PPP1R9A: variants seen among roughly 807,000 people sequenced by gnomAD.
PPP1R9A encodes protein phosphatase 1 regulatory subunit 9A, also known as neurabin-1.
A neutral mutation model predicts 141.9 loss-of-function variants in PPP1R9A; 59 were observed. That is an observed-to-expected ratio of 0.42 (90% CI 0.34 to 0.52). PPP1R9A has a LOEUF of 0.52. PPP1R9A is among the 20% of genes least tolerant of loss of function. The pLI is 0.10. For missense variants in PPP1R9A, 1,444 were observed against 1,611.9 expected (o/e 0.90, Z 1.78); for synonymous variants, 500 against 569.7 (o/e 0.88, Z 1.74).
At chr7:95,269,114 C>T in intron 13 of PPP1R9A, 93 bp from the exon 14 acceptor site, 1 of 1,230,524 alleles carries the variant, frequency 8.1e-7, no homozygotes, top group Non-Finnish European at 1.1e-6. Context: ...CATGGGGATT[C>T]ACTAATAAAA....
chr7:95,219,215 C>T (rs1305855482), intron 7 of PPP1R9A, among the ~76,000 whole-genome samples: 1 of 152,086 alleles, frequency 6.6e-6, no homozygotes, highest in Non-Finnish European at 1.5e-5. Context: ...TTTTATTTCT[C>T]CTTCACTTAT....
At chr7:94,946,486 T>G (rs907880934) in intron 2 of PPP1R9A, among the ~76,000 whole-genome samples, 1 of 152,088 alleles carries the variant, frequency 6.6e-6, no homozygotes, top group Non-Finnish European at 1.5e-5. Context: ...GTGGCCAATT[T>G]TACCTTACTT....
At chr7:94,952,197 T>C (rs896206217) in intron 2 of PPP1R9A, among the ~76,000 whole-genome samples, 81 of 152,210 alleles carry the variant, frequency 5.3e-4, no homozygotes, top group African/African-American at 1.9e-3. Context: ...AGTGAGAACA[T>C]GCGGTATTTG....
intron 2 of PPP1R9A, among the ~76,000 whole-genome samples, chr7:95,033,048 G>A (rs1334024046): frequency 1.3e-5 from 2 of 151,596 alleles, no homozygotes; most frequent in Non-Finnish European, 2.9e-5. Context: ...TCTGTCGCCT[G>A]GGCTGGAGTG....
chr7:95,034,567 G>T (rs926672654), intron 2 of PPP1R9A, among the ~76,000 whole-genome samples: 22 of 152,004 alleles, frequency 1.4e-4, no homozygotes, highest in African/African-American at 4.8e-4. Flanking sequence ...TGGTCCAGCT[G>T]GTCTCGAACT....
At chr7:95,015,615 T>C (rs1028584691) in intron 2 of PPP1R9A, among the ~76,000 whole-genome samples, 4 of 152,146 alleles carry the variant, frequency 2.6e-5, no homozygotes, top group Admixed American at 6.6e-5. Context: ...TTTATGATGT[T>C]AATATAATTA....
intron 2 of PPP1R9A, among the ~76,000 whole-genome samples, chr7:95,093,586 C>A (rs1022893863): frequency 6.6e-6 from 1 of 151,948 alleles, no homozygotes; most frequent in African/African-American, 2.4e-5. Context: ...TTAAAATGAT[C>A]AAAAAATGGA....
chr7:95,008,986 T>G (rs1034506324), intron 2 of PPP1R9A, among the ~76,000 whole-genome samples: 4 of 152,110 alleles, frequency 2.6e-5, no homozygotes, highest in Non-Finnish European at 5.9e-5. Flanking sequence ...AAAGGTTGAG[T>G]TCATGTCCTT....
intron 4 of PPP1R9A, among the ~76,000 whole-genome samples, chr7:95,140,138 C>T (rs1826382539): frequency 6.6e-6 from 1 of 152,162 alleles, no homozygotes; most frequent in Non-Finnish European, 1.5e-5. Flanking sequence ...GTTGTAGCTC[C>T]ATTCATTTTT....
intron 16 of PPP1R9A, among the ~76,000 whole-genome samples, chr7:95,277,188 G>T (rs1452802939): frequency 6.6e-6 from 1 of 152,102 alleles, no homozygotes; most frequent in Non-Finnish European, 1.5e-5. Context: ...ATAACCTATG[G>T]CTGTTAGATT....
chr7:95,101,020 T>C lies in PPP1R9A; in HGVS notation c.1396-10239T>C, dbSNP rs866297798. ...GGCGCCCGCTACCACGCCCGGCTAA[T>C]TTTTTGTATTTTTAGTAGAGACGGG... On this transcript the variant is annotated intron_variant, in intron 2 of 19. Coordinates refer to ENST00000433360, the MANE Select transcript of PPP1R9A (RefSeq NM_001166160.2). 2.3e-4 allele frequency among the ~76,000 whole-genome samples: 35 copies of C among 151,104 alleles called. 2 individuals carry two copies. The highest frequency in any genetic ancestry group is 6.6e-4 in the Admixed American group (10 of 15,174).
chr7:95,147,581 A>G (rs1042660001), intron 4 of PPP1R9A, among the ~76,000 whole-genome samples: 2 of 152,160 alleles, frequency 1.3e-5, no homozygotes, highest in African/African-American at 4.8e-5. Context: ...GTCGGTTTTT[A>G]AAGGGAATGC....
chr7:95,234,858 A>G (rs563020676), intron 8 of PPP1R9A, among the ~76,000 whole-genome samples: 1 of 152,118 alleles, frequency 6.6e-6, no homozygotes, highest in African/African-American at 2.4e-5. Context: ...CCAGAAATAA[A>G]CCCAAATATT....
intron 4 of PPP1R9A, among the ~76,000 whole-genome samples, chr7:95,138,428 A>G (rs1826068557): frequency 6.6e-6 from 1 of 152,222 alleles, no homozygotes; most frequent in African/African-American, 2.4e-5. Context: ...AAGCTCTAAA[A>G]GAATACAGAG....
At chr7:95,047,228 A>G (rs1351268550) in intron 2 of PPP1R9A, among the ~76,000 whole-genome samples, 2 of 152,192 alleles carry the variant, frequency 1.3e-5, no homozygotes, top group Non-Finnish European at 2.9e-5. Context: ...TTTTACTTTT[A>G]TAGTATACAT....
intron 2 of PPP1R9A, among the ~76,000 whole-genome samples, chr7:95,099,116 T>A (rs1818422311): frequency 6.6e-6 from 1 of 152,202 alleles, no homozygotes; most frequent in Non-Finnish European, 1.5e-5. Flanking sequence ...TGCTGGCAGT[T>A]GTAGTAAAAG....
At chr7:95,074,519 G>C (rs1814539640) in intron 2 of PPP1R9A, among the ~76,000 whole-genome samples, 1 of 146,540 alleles carries the variant, frequency 6.8e-6, no homozygotes, top group African/African-American at 2.6e-5. Flanking sequence ...TTGTTGCCCA[G>C]GCTGGAGTGC....
At chr7:94,941,754 A>T (rs1795353862) in intron 2 of PPP1R9A, among the ~76,000 whole-genome samples, 1 of 152,116 alleles carries the variant, frequency 6.6e-6, no homozygotes, top group Non-Finnish European at 1.5e-5. Context: ...ATTAAGTTGT[A>T]AATTATATAT....
chr7:95,273,889 T>C lies in PPP1R9A; in HGVS notation c.3125-10T>C, dbSNP rs374667055. ...ATAATTGATCTTTTTCACAAATGTG[T>C]ATATCCTAGATGATGCCAAAGATCC... On this transcript the variant is annotated splice_polypyrimidine_tract_variant and intron_variant, in intron 14 of 19. Coordinates refer to ENST00000433360, the MANE Select transcript of PPP1R9A (RefSeq NM_001166160.2). The C allele has an allele frequency of 2.7e-6, 4 of 1,488,550 alleles. No homozygotes were observed. The African/African-American group carries it at 4.1e-5, about 15-fold the overall frequency. 92.2% of individuals were successfully genotyped at this position (1,488,550 alleles called of 1,614,324 possible).
Sources: gnomAD v4.1 joint callset for allele counts (sites outside exome capture counted in the v4.1 genomes callset) on GRCh38, gnomAD v4.1.1 for gene constraint, MANE v1.5 for transcripts, NCBI Gene and HGNC (gene_info 2026-07-23, HGNC 2026-07-21) for gene names.